The following TMEM181 variants were observed in gnomAD, a reference collection of about 807,000 sequenced individuals.
TMEM181 encodes the protein transmembrane protein 181.
TMEM181 carries 39 observed loss-of-function variants against 71.9 expected under a neutral mutation model. The observed-to-expected ratio is 0.54, with a 90% confidence interval of 0.42 to 0.71. The LOEUF (loss-of-function observed/expected upper bound fraction) is 0.71, where lower values mean the gene tolerates loss of function less well. Ranked by LOEUF, TMEM181 falls within the 30% of genes least tolerant of loss-of-function variation. The pLI, the probability that TMEM181 is intolerant of heterozygous loss-of-function variation, is 0.00. For synonymous variants in TMEM181, 245 were observed against 228.8 expected (o/e 1.07, Z -0.64); for missense variants, 595 against 583.0 (o/e 1.02, Z -0.21).
intron 6 of TMEM181, among the ~76,000 whole-genome samples, chr6:158,590,760 C>T (rs947934434): frequency 1.3e-5 from 2 of 152,254 alleles, no homozygotes; most frequent in Non-Finnish European, 2.9e-5. Context: ...CCGCGCCCGG[C>T]CCATTCAGTG....
intron 10 of TMEM181, among the ~76,000 whole-genome samples, chr6:158,608,958 C>T (rs1192763372): frequency 1.3e-5 from 2 of 152,010 alleles, no homozygotes; most frequent in African/African-American, 2.4e-5. Context: ...ATTAGCTGGC[C>T]GTGGTGGCGC....
At chr6:158,600,995 C>T (rs957087318) in intron 6 of TMEM181, among the ~76,000 whole-genome samples, 11 of 151,774 alleles carry the variant, frequency 7.2e-5, no homozygotes, top group South Asian at 2.1e-4. Context: ...CTTGACTGTG[C>T]GTTAGAGTAT....
At chr6:158,538,434 C>T (rs181229864) in intron 1 of TMEM181, among the ~76,000 whole-genome samples, 12 of 151,368 alleles carry the variant, frequency 7.9e-5, no homozygotes, top group African/African-American at 2.9e-4. Flanking sequence ...AGATGACAGG[C>T]GTGAGCCACC....
chr6:158,584,158 A>G, intron 4 of TMEM181, 114 bp downstream of exon 4: 1 of 811,844 alleles, frequency 1.2e-6, no homozygotes, highest in Non-Finnish European at 1.9e-6. Flanking sequence ...ATGTATAAGG[A>G]TGTCCATTAT....
chr6:158,598,752 C>A (rs1313535735), intron 6 of TMEM181, among the ~76,000 whole-genome samples: 1 of 151,644 alleles, frequency 6.6e-6, no homozygotes, highest in African/African-American at 2.4e-5. Context: ...CGGCTCACTG[C>A]AAGCTCTGCC....
rs553349416 is a variant in TMEM181, at chr6:158,634,438, A to C, written c.*2550A>C. On this transcript the variant is annotated 3_prime_UTR_variant, in exon 17 of 17. Coordinates refer to ENST00000684151, the MANE Select transcript of TMEM181 (RefSeq NM_001376852.1). ...AAAGTTTTGCGAACTTAAAGGGCTG[A>C]CTTTAGTTCCTTCATGGTAATGGCT... The C allele has an allele frequency of 1.3e-5, 2 of 152,162 alleles. No individual in the cohort carries two copies. Among genetic ancestry groups the C allele is most frequent in the South Asian group, 4.1e-4 (2 of 4,824 alleles). The allele number at this position is 152,162 out of a possible 1,614,324, so 9.4% of individuals were successfully genotyped here.
chr6:158,606,857 G>C (rs1394342215), intron 7 of TMEM181, among the ~76,000 whole-genome samples: 2 of 152,238 alleles, frequency 1.3e-5, no homozygotes, highest in African/African-American at 4.8e-5. Flanking sequence ...TGTGGCCTGT[G>C]TCCTGGGTGG....
At chr6:158,538,893 A>G (rs1781235965) in intron 1 of TMEM181, among the ~76,000 whole-genome samples, 1 of 152,172 alleles carries the variant, frequency 6.6e-6, no homozygotes, top group South Asian at 2.1e-4. Context: ...AAAAACATGA[A>G]ATGTTCAAGG....
chr6:158,566,461 T>A (rs1782501453), intron 1 of TMEM181, among the ~76,000 whole-genome samples: 1 of 128,830 alleles, frequency 7.8e-6, no homozygotes, highest in African/African-American at 3.0e-5. Context: ...AGGGAGGTGA[T>A]GGTGAGGGAG....
intron 10 of TMEM181, among the ~76,000 whole-genome samples, chr6:158,613,916 G>A (rs763020138): frequency 1.3e-5 from 2 of 152,184 alleles, no homozygotes; most frequent in Non-Finnish European, 2.9e-5. Flanking sequence ...AGGATTGGCA[G>A]TGTCCTGTTC....
At chr6:158,601,340 G>A (rs1158289802) in intron 6 of TMEM181, among the ~76,000 whole-genome samples, 1 of 151,858 alleles carries the variant, frequency 6.6e-6, no homozygotes. Context: ...CCTGAGATCA[G>A]GAGTTCGGGA....
intron 6 of TMEM181, among the ~76,000 whole-genome samples, chr6:158,591,211 CCT>C (rs1784091446): frequency 1.3e-5 from 2 of 152,156 alleles, no homozygotes; most frequent in African/African-American, 4.8e-5. Flanking sequence ...CGTCTCCTCC[CCT>C]CTGAGATTGT....
chr6:158,596,280 G>A (rs144796050), intron 6 of TMEM181, among the ~76,000 whole-genome samples: 509 of 152,260 alleles, frequency 3.3e-3, no homozygotes, highest in African/African-American at 0.011. Context: ...TATACAGTGC[G>A]CCTGATAAAT....
intron 2 of TMEM181, among the ~76,000 whole-genome samples, chr6:158,573,801 C>T (rs143267996): frequency 2.6e-5 from 4 of 152,266 alleles, no homozygotes; most frequent in East Asian, 1.9e-4. Context: ...GCCAAGCAAA[C>T]GTTTCTAATC....
intron 7 of TMEM181, 22 bp downstream of exon 7, chr6:158,605,369 G>A: frequency 6.2e-7 from 1 of 1,608,022 alleles, no homozygotes; most frequent in Non-Finnish European, 8.5e-7. Context: ...TCGCCTGATG[G>A]ACCGCAGCAG....
intron 6 of TMEM181, among the ~76,000 whole-genome samples, chr6:158,604,642 C>T (rs1320910527): frequency 6.6e-6 from 1 of 152,216 alleles, no homozygotes; most frequent in Non-Finnish European, 1.5e-5. Flanking sequence ...GCTCACTCTT[C>T]TGCTTTCACA....
intron 10 of TMEM181, chr6:158,611,224 C>T: frequency 2.0e-6 from 1 of 503,486 alleles, no homozygotes. Context: ...GACTATCCTT[C>T]TCAGCAGGGG....
intron 13 of TMEM181, chr6:158,626,367 G>C (rs1397670723): frequency 2.2e-6 from 1 of 456,520 alleles, no homozygotes; most frequent in African/African-American, 2.0e-5. Context: ...TTTATGGTTT[G>C]TCTGTTTCTC....
intron 6 of TMEM181, among the ~76,000 whole-genome samples, chr6:158,590,724 A>C (rs1784065431): frequency 1.3e-5 from 2 of 152,224 alleles, no homozygotes; most frequent in Admixed American, 1.3e-4. Context: ...GGCCTCCCAA[A>C]GTGCTGGGAT....
Sources: gnomAD v4.1 joint callset for allele counts (sites outside exome capture counted in the v4.1 genomes callset) on GRCh38, gnomAD v4.1.1 for gene constraint, MANE v1.5 for transcripts, NCBI Gene and HGNC (gene_info 2026-07-23, HGNC 2026-07-21) for gene names.